EYS: variants seen among roughly 807,000 people sequenced by gnomAD.
EYS encodes EGF-like photoreceptor maintenance factor.
In EYS, 250 loss-of-function variants were observed where a neutral mutation model predicts 282.1. That is an observed-to-expected ratio of 0.89 (90% CI 0.80 to 0.98). The LOEUF is 0.98. Ranked by LOEUF, EYS falls within the 50% of genes least tolerant of loss-of-function variation. The probability of loss-of-function intolerance (pLI) is 0.00; values close to 1 mark genes in which losing one functional copy is unlikely to be tolerated. For missense variants in EYS, 4,016 were observed against 3,709.0 expected (o/e 1.08, Z -2.15); for synonymous variants, 1,355 against 1,282.9 (o/e 1.06, Z -1.20).
At chr6:65,281,195 T>C (rs1768211788) in intron 12 of EYS, among the ~76,000 whole-genome samples, 1 of 146,036 alleles carries the variant, frequency 6.8e-6, no homozygotes, top group Non-Finnish European at 1.5e-5. Context: ...AGCAACATTA[T>C]TAAGTTAACA....
Position 65,587,528 on chromosome 6 carries a change from T to A in EYS, c.-333+52250A>T, listed in dbSNP as rs1422605249. On this transcript the variant is annotated intron_variant, in intron 2 of 42. Transcript: ENST00000503581. ...TGAAGAAAGAGGTGATTGCTTCCCC[T>A]TCTGCCGTGACTGCAAATTTCCTGG... Among the ~76,000 whole-genome samples the A allele has an allele frequency of 7.0e-4, 107 of 152,162 alleles. 1 individual carries two copies. Among genetic ancestry groups the A allele is most frequent in the Non-Finnish European group, 5.9e-5 (4 of 67,996 alleles).
intron 8 of EYS, among the ~76,000 whole-genome samples, chr6:65,362,392 G>A (rs1484378595): frequency 2.0e-5 from 3 of 151,988 alleles, no homozygotes; most frequent in African/African-American, 7.2e-5. Context: ...GCTGCAAGTT[G>A]AGTATGTCAT....
At chr6:65,544,299 T>C (rs1768302227) in intron 2 of EYS, among the ~76,000 whole-genome samples, 1 of 152,154 alleles carries the variant, frequency 6.6e-6, no homozygotes, top group South Asian at 2.1e-4. Flanking sequence ...CAGAATGTCA[T>C]TTTGTGCATA....
intron 22 of EYS, among the ~76,000 whole-genome samples, chr6:64,657,871 C>T (rs1768813207): frequency 6.6e-6 from 1 of 152,228 alleles, no homozygotes; most frequent in South Asian, 2.1e-4. Flanking sequence ...TTTTGGCATT[C>T]TCTGTATTTC....
At chr6:64,410,751 G>A (rs140179170) in intron 28 of EYS, among the ~76,000 whole-genome samples, 68 of 152,186 alleles carry the variant, frequency 4.5e-4, no homozygotes, top group African/African-American at 1.6e-3. Flanking sequence ...ACATTGGCTT[G>A]ACTGAAATAT....
At chr6:64,805,750 A>T (rs1764402836) in intron 22 of EYS, among the ~76,000 whole-genome samples, 1 of 151,340 alleles carries the variant, frequency 6.6e-6, no homozygotes, top group Non-Finnish European at 1.5e-5. Context: ...CAATTTGTTA[A>T]TAATATTTGA....
At chr6:63,790,666 T>G (rs749547329) in intron 37 of EYS, among the ~76,000 whole-genome samples, 2 of 152,182 alleles carry the variant, frequency 1.3e-5, no homozygotes, top group Non-Finnish European at 2.9e-5. Context: ...AGGAAGGCAG[T>G]TAGAAAGGCA....
At chr6:64,897,494 G>A (rs916648678) in intron 18 of EYS, among the ~76,000 whole-genome samples, 1 of 152,108 alleles carries the variant, frequency 6.6e-6, no homozygotes, top group Non-Finnish European at 1.5e-5. Flanking sequence ...ACAAAGATGA[G>A]GAAAAATCAG....
intron 2 of EYS, among the ~76,000 whole-genome samples, chr6:65,626,989 AGCCT>A (rs1036987648): frequency 9.5e-5 from 14 of 147,946 alleles, no homozygotes; most frequent in Non-Finnish European, 1.8e-4. Context: ...TCCTTCTTTC[AGCCT>A]GCCTTTCTTT....
intron 30 of EYS, among the ~76,000 whole-genome samples, chr6:64,278,033 GA>G (rs1197804574): frequency 6.6e-6 from 1 of 152,068 alleles, no homozygotes; most frequent in Non-Finnish European, 1.5e-5. Flanking sequence ...GAAATCTTAA[GA>G]GGGGCATGTA....
At chr6:63,903,655 TTATGGTTTCTTTTCTACCCCTAGGATG>T (rs1700256765) in intron 35 of EYS, among the ~76,000 whole-genome samples, 1 of 152,174 alleles carries the variant, frequency 6.6e-6, no homozygotes, top group Non-Finnish European at 1.5e-5. Flanking sequence ...ACTTACCAAT[TTATGGTTTCTTTTCTACCCCTAGGATG>T]TAAGCTCCAT....
chr6:65,566,539 C>T (rs531147285), intron 2 of EYS, among the ~76,000 whole-genome samples: 5 of 152,296 alleles, frequency 3.3e-5, no homozygotes, highest in Middle Eastern at 3.4e-3. Flanking sequence ...CTTAAATCTA[C>T]TTTTGTGTGT....
chr6:64,983,814 G>T (rs1311148437), intron 14 of EYS, among the ~76,000 whole-genome samples: 1 of 150,926 alleles, frequency 6.6e-6, no homozygotes, highest in East Asian at 2.0e-4. Context: ...TCTCCTGTAC[G>T]CTAGTCCTTA....
intron 24 of EYS, among the ~76,000 whole-genome samples, chr6:64,599,000 T>A (rs1766674788): frequency 6.6e-6 from 1 of 152,236 alleles, no homozygotes; most frequent in South Asian, 2.1e-4. Flanking sequence ...AAATGCTTAA[T>A]ATATTTACAC....
intron 21 of EYS, among the ~76,000 whole-genome samples, chr6:64,816,755 G>A (rs1021529377): frequency 7.9e-5 from 12 of 151,938 alleles, no homozygotes; most frequent in African/African-American, 9.7e-5. Flanking sequence ...GAGCAAGAGG[G>A]GGTCTTAAAA....
intron 28 of EYS, among the ~76,000 whole-genome samples, chr6:64,394,313 T>C (rs1164266270): frequency 6.6e-6 from 1 of 151,984 alleles, no homozygotes; most frequent in Non-Finnish European, 1.5e-5. Flanking sequence ...AAAAAGAGCC[T>C]GCATCGCCAA....
chr6:65,191,316 G>A (rs965063304), intron 12 of EYS, among the ~76,000 whole-genome samples: 4 of 151,760 alleles, frequency 2.6e-5, no homozygotes, highest in East Asian at 1.9e-4. Flanking sequence ...TAAGAATAGT[G>A]AATATGTTAA....
At chr6:65,364,686 T>A (rs1764846167) in intron 8 of EYS, among the ~76,000 whole-genome samples, 1 of 151,638 alleles carries the variant, frequency 6.6e-6, no homozygotes, top group African/African-American at 2.4e-5. Context: ...TGGGTTAATT[T>A]GGGTACTTTT....
At chr6:65,534,553 G>T (rs1483803072) in intron 2 of EYS, among the ~76,000 whole-genome samples, 1 of 152,092 alleles carries the variant, frequency 6.6e-6, no homozygotes, top group Non-Finnish European at 1.5e-5. Context: ...GCAACTAGCT[G>T]AAAAACAGCC....
Sources: allele counts gnomAD v4.1 joint callset (sites outside exome capture counted in the v4.1 genomes callset), GRCh38; gene constraint gnomAD v4.1.1; transcripts MANE v1.5; gene names NCBI Gene and HGNC (gene_info 2026-07-23, HGNC 2026-07-21).